The following TTC21B variants were observed in gnomAD, a reference collection of about 807,000 sequenced individuals.
The protein encoded by TTC21B is tetratricopeptide repeat domain 21B, also known as tetratricopeptide repeat protein 21B.
Under a neutral mutation model 175.1 loss-of-function variants are expected in TTC21B, and 127 were observed. The ratio of observed to expected loss-of-function variants is 0.73; its 90% CI spans 0.63 to 0.84. TTC21B has a LOEUF of 0.84. TTC21B is among the 40% of genes least tolerant of loss of function. TTC21B has a pLI of 0.00. For missense variants in TTC21B, 1,561 were observed against 1,558.3 expected, an observed-to-expected ratio of 1.00 and a Z score of -0.03; for synonymous variants, 524 against 524.5, an observed-to-expected ratio of 1.00 and a Z score of 0.01.
rs574198601 is a variant in TTC21B, at chr2:165,944,725, GC to G, written c.429+798del. ...AATTTGTCTCAAGTTACCTCTCCAA[GC>G]TTTTCTTCCCTTCTCGTTATCAACG... On this transcript the variant is annotated intron_variant, in intron 4 of 28. Coordinates refer to ENST00000243344, the MANE Select transcript of TTC21B (RefSeq NM_024753.5). Among the ~76,000 whole-genome samples the G allele has an allele frequency of 3.6e-4, 55 of 152,178 alleles. No individual in the cohort carries two copies. The Middle Eastern group carries it at 0.014, about 38-fold the overall frequency.
chr2:165,919,574 T>A, intron 12 of TTC21B, 141 bp from the exon 13 acceptor site: 1 of 849,936 alleles, frequency 1.2e-6, no homozygotes, highest in South Asian at 1.6e-5. Context: ...GGCCATGGTT[T>A]AATTCCATCT....
chr2:165,953,561 G>T, intron 1 of TTC21B, 124 bp downstream of exon 1: 1 of 1,473,018 alleles, frequency 6.8e-7, no homozygotes, highest in African/African-American at 1.4e-5. Flanking sequence ...GAGCAGCCGG[G>T]GCACCGCAGG....
chr2:165,929,291 T>C lies in TTC21B; in HGVS notation c.1230A>G (p.Lys410=), dbSNP rs777913072. Residue 410 remains lysine, a synonymous_variant, in exon 11 of 29, where the codon AAA becomes AAG. Transcript: ENST00000243344. Reference sequence around the variant, plus strand: ...ACAAATTAATAACTTCTTCTTGTCGTTTATTTTTCTTCATGGCAAGAACTG... The same window carrying C: ...ACAAATTAATAACTTCTTCTTGTCGCTTATTTTTCTTCATGGCAAGAACTG... ...LHAVLAMKKN[K]RQEEVINLLN... is the part of the protein sequence containing the mutation. 3.1e-6 allele frequency: 5 copies of C among 1,612,242 alleles called. No homozygotes were observed. The highest frequency in any genetic ancestry group is 1.3e-5 in the African/African-American group (1 of 74,986).
intron 18 of TTC21B, among the ~76,000 whole-genome samples, chr2:165,909,683 G>C (rs1334583831): frequency 1.3e-5 from 2 of 152,126 alleles, no homozygotes; most frequent in African/African-American, 4.8e-5. Context: ...ATTCTAGGAA[G>C]TACAGAGAGG....
At position 165,873,669 on chromosome 2, in the gene TTC21B, A is replaced by G. The variant is rs1182462977; in HGVS notation, c.*1086T>C. 4 of 152,134 alleles carry G rather than the reference A, an allele frequency of 2.6e-5. No homozygotes were observed. Among genetic ancestry groups the G allele is most frequent in the Admixed American group, 6.5e-5 (1 of 15,272 alleles). 9.4% of individuals were successfully genotyped at this position (152,134 alleles called of 1,614,324 possible). ...ATTATACCTGCAGACCAAGTCTTCT[A>G]GGCTAAGGTTAAATATCCCTAATAA... On this transcript the variant is annotated 3_prime_UTR_variant, in exon 29 of 29. Coordinates refer to ENST00000243344, the MANE Select transcript of TTC21B (RefSeq NM_024753.5).
At chr2:165,914,678 T>TGTGTGTGTGCGCGCGCGCGCGC (rs1686083696) in intron 15 of TTC21B, among the ~76,000 whole-genome samples, 3 of 117,846 alleles carry the variant, frequency 2.5e-5, no homozygotes, top group African/African-American at 1.2e-4. Context: ...TGTGTGTGTG[T>TGTGTGTGTGCGCGCGCGCGCGC]GTGTGTGTGT....
chr2:165,890,239 A>G (rs1251558985), intron 24 of TTC21B, among the ~76,000 whole-genome samples: 1 of 152,214 alleles, frequency 6.6e-6, no homozygotes, highest in Non-Finnish European at 1.5e-5. Flanking sequence ...TAGGAAACCT[A>G]AAAGCATTTC....
intron 25 of TTC21B, among the ~76,000 whole-genome samples, chr2:165,887,477 C>G (rs1472062243): frequency 2.0e-5 from 3 of 151,986 alleles, no homozygotes; most frequent in Non-Finnish European, 2.9e-5. Context: ...TCACCTGAGT[C>G]AGGAGTTTGA....
chr2:165,924,992 T>A (rs1686575823), intron 11 of TTC21B, among the ~76,000 whole-genome samples: 1 of 152,202 alleles, frequency 6.6e-6, no homozygotes, highest in Non-Finnish European at 1.5e-5. Context: ...AATATATCTG[T>A]TAAAGGAAAG....
chr2:165,908,467 G>T (rs969038731), intron 18 of TTC21B, among the ~76,000 whole-genome samples: 2 of 152,264 alleles, frequency 1.3e-5, no homozygotes, highest in African/African-American at 4.8e-5. Flanking sequence ...AATGCCAAAT[G>T]TTTTGTGTCT....
At chr2:165,895,251 T>C (rs1268699864) in intron 22 of TTC21B, among the ~76,000 whole-genome samples, 1 of 152,126 alleles carries the variant, frequency 6.6e-6, no homozygotes, top group Non-Finnish European at 1.5e-5. Context: ...GATCCTTATA[T>C]TGCATTTATA....
At position 165,890,884 on chromosome 2, in the gene TTC21B, C is replaced by T. The variant is rs1274204310; in HGVS notation, c.3055G>A (p.Ala1019Thr). 1.2e-6 allele frequency: 2 copies of T among 1,613,270 alleles called. No individual in the cohort carries two copies. Reference sequence around the variant, plus strand: ...TACTGAAATCCTGGTTCCAATTTTGCTCTGGAGTTACGTTTCTCAGCCATT... The same window carrying T: ...TACTGAAATCCTGGTTCCAATTTTGTTCTGGAGTTACGTTTCTCAGCCATT... ...FSMAEKRNSR[A>T]KLEPGFQYCK... is the part of the protein sequence containing the mutation. The change falls in exon 23 of 29, where the codon GCA (alanine) becomes ACA (threonine). Residue 1019 changes from alanine to threonine, a missense_variant. Coordinates refer to ENST00000243344, the MANE Select transcript of TTC21B (RefSeq NM_024753.5).
At chr2:165,878,189 T>C (rs1413524346) in intron 27 of TTC21B, among the ~76,000 whole-genome samples, 1 of 152,198 alleles carries the variant, frequency 6.6e-6, no homozygotes, top group Non-Finnish European at 1.5e-5. Flanking sequence ...AAGCATTCAC[T>C]ATATTATAAT....
intron 24 of TTC21B, 32 bp from the exon 25 acceptor site, chr2:165,888,506 C>T: frequency 6.6e-7 from 1 of 1,512,340 alleles, no homozygotes; most frequent in Non-Finnish European, 9.1e-7. Flanking sequence ...TCACTTCTGT[C>T]TCTTACTCAT....
At chr2:165,931,612 A>T in intron 8 of TTC21B, 146 bp downstream of exon 8, 1 of 719,524 alleles carries the variant, frequency 1.4e-6, no homozygotes, top group Non-Finnish European at 2.4e-6. Context: ...CACCTCCTCT[A>T]AACTGCCTTT....
chr2:165,893,884 C>T (rs1339377841), intron 22 of TTC21B, among the ~76,000 whole-genome samples: 3 of 151,796 alleles, frequency 2.0e-5, no homozygotes, highest in South Asian at 2.1e-4. Flanking sequence ...ATTATTAAAG[C>T]GGAGGAAGAA....
chr2:165,892,747 C>T (rs1444272092), intron 22 of TTC21B, among the ~76,000 whole-genome samples: 1 of 152,130 alleles, frequency 6.6e-6, no homozygotes, highest in Non-Finnish European at 1.5e-5. Context: ...GGTGTACAGA[C>T]TTCAGTTTGG....
intron 12 of TTC21B, among the ~76,000 whole-genome samples, chr2:165,920,239 G>GA (rs907922487): frequency 5.9e-5 from 9 of 152,114 alleles, no homozygotes; most frequent in African/African-American, 1.9e-4. Context: ...GAGAATGTGG[G>GA]AAGAAGAGAG....
intron 6 of TTC21B, among the ~76,000 whole-genome samples, chr2:165,939,737 A>G (rs972314178): frequency 5.9e-5 from 9 of 152,146 alleles, no homozygotes; most frequent in African/African-American, 2.2e-4. Flanking sequence ...TTTCAAACTT[A>G]CAATGTTGAA....
Sources: gnomAD v4.1 joint callset for allele counts (sites outside exome capture counted in the v4.1 genomes callset) on GRCh38, gnomAD v4.1.1 for gene constraint, MANE v1.5 for transcripts, NCBI Gene and HGNC (gene_info 2026-07-23, HGNC 2026-07-21) for gene names.